LHFPL1: variants seen among roughly 807,000 people sequenced by gnomAD.
LHFPL1 encodes LHFPL tetraspan subfamily member 1, also known as LHFPL tetraspan subfamily member 1 protein.
LHFPL1 carries 4 observed loss-of-function variants against 12.1 expected under a neutral mutation model. The ratio of observed to expected loss-of-function variants is 0.33; its 90% CI spans 0.16 to 0.76. The LOEUF (loss-of-function observed/expected upper bound fraction) is 0.76, where lower values mean the gene tolerates loss of function less well. Among genes scored for constraint, LHFPL1 ranks in the 30% least tolerant of loss-of-function variants. The pLI, the probability that LHFPL1 is intolerant of heterozygous loss-of-function variation, is 0.61. For missense variants in LHFPL1, 141 were observed against 174.1 expected, an observed-to-expected ratio of 0.81 and a Z score of 1.07; for synonymous variants, 52 against 61.9, an observed-to-expected ratio of 0.84 and a Z score of 0.75.
At chrX:112,674,335 G>T (rs1157524081) in intron 1 of LHFPL1, among the ~76,000 whole-genome samples, 2 of 111,612 alleles carry the variant, frequency 1.8e-5, no homozygotes, top group Non-Finnish European at 3.8e-5. Context: ...AAACCATAAA[G>T]ATTCTAGAAG....
At chrX:112,663,138 T>G (rs1931237602) in intron 2 of LHFPL1, among the ~76,000 whole-genome samples, 1 of 111,337 alleles carries the variant, frequency 9.0e-6, no homozygotes, top group Admixed American at 9.5e-5. Flanking sequence ...GGTCAAGGAT[T>G]TCCTTCTCCA....
intron 2 of LHFPL1, among the ~76,000 whole-genome samples, chrX:112,668,337 C>G (rs996414035): frequency 3.6e-5 from 4 of 112,131 alleles, no homozygotes; most frequent in African/African-American, 1.3e-4. Flanking sequence ...TCTTTCACAT[C>G]TGATATAACC....
At chrX:112,654,084 T>C (rs1374577588) in intron 3 of LHFPL1, among the ~76,000 whole-genome samples, 3 of 111,716 alleles carry the variant, frequency 2.7e-5, no homozygotes, top group Admixed American at 1.9e-4. Context: ...CAATGACTTC[T>C]GAAAATTTAA....
At chrX:112,633,918 C>T (rs1157006159) in intron 3 of LHFPL1, among the ~76,000 whole-genome samples, 1 of 111,569 alleles carries the variant, frequency 9.0e-6, no homozygotes, top group Non-Finnish European at 1.9e-5. Flanking sequence ...GACAAGCAGC[C>T]TGTAGAGCTG....
intron 1 of LHFPL1, among the ~76,000 whole-genome samples, chrX:112,674,674 T>C (rs190723947): frequency 6.9e-4 from 77 of 111,153 alleles, no homozygotes; most frequent in African/African-American, 2.5e-3. Flanking sequence ...GGCCAACAGA[T>C]ATATGAAAAA....
intron 1 of LHFPL1, among the ~76,000 whole-genome samples, chrX:112,672,665 G>A (rs781705108): frequency 9.0e-6 from 1 of 111,118 alleles, no homozygotes; most frequent in Admixed American, 9.6e-5. Flanking sequence ...GCTGTATGGG[G>A]TCATCGCCAC....
At chrX:112,676,645 C>T (rs1931662333) in intron 1 of LHFPL1, among the ~76,000 whole-genome samples, 1 of 112,085 alleles carries the variant, frequency 8.9e-6, no homozygotes, top group African/African-American at 3.2e-5. Context: ...CTAGCACAGC[C>T]TCGTGGGTAG....
At chrX:112,639,688 T>G (rs779634484) in intron 3 of LHFPL1, among the ~76,000 whole-genome samples, 7 of 112,569 alleles carry the variant, frequency 6.2e-5, no homozygotes, top group Non-Finnish European at 1.1e-4. Context: ...CAACCTGTAT[T>G]GCTTATTTAT....
chrX:112,675,532 A>C (rs1422498936), intron 1 of LHFPL1, among the ~76,000 whole-genome samples: 1 of 112,610 alleles, frequency 8.9e-6, no homozygotes, highest in Admixed American at 9.4e-5. Flanking sequence ...AATTCAATTT[A>C]AATTAAATGT....
intron 3 of LHFPL1, among the ~76,000 whole-genome samples, chrX:112,638,641 C>T (rs1449493981): frequency 5.4e-5 from 6 of 111,935 alleles, no homozygotes; most frequent in Non-Finnish European, 7.5e-5. Context: ...GAGATCATGG[C>T]ACATGGAGAC....
intron 3 of LHFPL1, among the ~76,000 whole-genome samples, chrX:112,650,170 G>C (rs1910502817): frequency 9.3e-6 from 1 of 107,786 alleles, no homozygotes; most frequent in Admixed American, 9.9e-5. Context: ...TTCTTACTTA[G>C]ATTTCTTTAT....
chrX:112,665,820 T>C (rs1602690437), intron 2 of LHFPL1, among the ~76,000 whole-genome samples: 1 of 112,009 alleles, frequency 8.9e-6, no homozygotes, highest in African/African-American at 3.2e-5. Context: ...CACCTTCAGG[T>C]GCAAAATCTG....
At chrX:112,652,857 G>T (rs927321145) in intron 3 of LHFPL1, among the ~76,000 whole-genome samples, 3 of 111,955 alleles carry the variant, frequency 2.7e-5, no homozygotes, top group Admixed American at 1.9e-4. Flanking sequence ...TAAGAAACCA[G>T]TATGGTAATG....
chrX:112,637,051 C>A (rs1602664551), intron 3 of LHFPL1, among the ~76,000 whole-genome samples: 1 of 111,429 alleles, frequency 9.0e-6, no homozygotes, highest in East Asian at 2.8e-4. Flanking sequence ...CTGGATGAGC[C>A]CTGAGATAAG....
At chrX:112,645,703 T>C (rs904818680) in intron 3 of LHFPL1, among the ~76,000 whole-genome samples, 1 of 112,099 alleles carries the variant, frequency 8.9e-6, no homozygotes, top group African/African-American at 3.2e-5. Context: ...ATTGGACTTC[T>C]CAAGAATTCA....
chrX:112,674,846 C>T (rs1048319003), intron 1 of LHFPL1, among the ~76,000 whole-genome samples: 2 of 111,853 alleles, frequency 1.8e-5, no homozygotes, highest in African/African-American at 6.5e-5. Context: ...TGGGAATGTA[C>T]ACTAGCACAG....
At chrX:112,674,739 C>A (rs918283736) in intron 1 of LHFPL1, among the ~76,000 whole-genome samples, 1 of 112,042 alleles carries the variant, frequency 8.9e-6, no homozygotes, top group African/African-American at 3.2e-5. Context: ...CAATGCAATG[C>A]CACCTTTCTC....
At chrX:112,670,477 C>T (rs1931465758) in intron 2 of LHFPL1, among the ~76,000 whole-genome samples, 1 of 112,518 alleles carries the variant, frequency 8.9e-6, no homozygotes, top group African/African-American at 3.2e-5. Context: ...CCAGACAGGG[C>T]TAGCCTTAGA....
In LHFPL1 at chrX:112,631,296, T is replaced by C. The variant is rs1602660072; in HGVS notation, c.*124A>G. The C allele has an allele frequency of 2.0e-5, 11 of 563,536 alleles. No homozygotes were observed. In the East Asian group the frequency reaches 3.9e-4, roughly 20 times the overall value. The allele number at this position is 563,536 out of a possible 1,213,427, so 46.4% of individuals were successfully genotyped here. On this transcript the variant is annotated 3_prime_UTR_variant, in exon 4 of 4. Transcript: ENST00000371968. ...TAAGTGAAAATGAACGACAATTAGT[T>C]TAAAAAGCATGCAAACACTAGGCTA...
Sources: allele counts gnomAD v4.1 joint callset (sites outside exome capture counted in the v4.1 genomes callset), GRCh38; gene constraint gnomAD v4.1.1; transcripts MANE v1.5; gene names NCBI Gene and HGNC (gene_info 2026-07-23, HGNC 2026-07-21).